The following B3GALT1 variants were observed in gnomAD, a reference collection of about 807,000 sequenced individuals.
B3GALT1 encodes the protein UDP-Gal:betaGlcNAc beta 1,3-galactosyltransferase, polypeptide 1.
A neutral mutation model predicts 23.2 loss-of-function variants in B3GALT1; 10 were observed. That is an observed-to-expected ratio of 0.43 (90% CI 0.27 to 0.73). B3GALT1 has a LOEUF of 0.73. Ranked by LOEUF, B3GALT1 falls within the 30% of genes least tolerant of loss-of-function variation. The probability of loss-of-function intolerance (pLI) is 0.21; values close to 1 mark genes in which losing one functional copy is unlikely to be tolerated. For missense variants in B3GALT1, 299 were observed against 405.4 expected (o/e 0.74, Z 2.25); for synonymous variants, 156 against 141.5 (o/e 1.10, Z -0.73).
chr2:167,627,595 C>A (rs74862651), intron 2 of B3GALT1, among the ~76,000 whole-genome samples: 1 of 151,426 alleles, frequency 6.6e-6, no homozygotes, highest in African/African-American at 2.4e-5. Flanking sequence ...TGAAATGTTG[C>A]GAGATTTTTG....
chr2:167,828,771 T>C (rs946922644), intron 4 of B3GALT1, among the ~76,000 whole-genome samples: 2 of 152,226 alleles, frequency 1.3e-5, no homozygotes, highest in Admixed American at 6.5e-5. Context: ...CTGTGTGGTT[T>C]GTTCTGTAGG....
chr2:167,555,812 G>A (rs1159495878), intron 2 of B3GALT1, among the ~76,000 whole-genome samples: 1 of 152,142 alleles, frequency 6.6e-6, no homozygotes. Context: ...CTTGGGGAAT[G>A]CACTAAGGAT....
chr2:167,461,305 T>G (rs983888517), intron 1 of B3GALT1, among the ~76,000 whole-genome samples: 1 of 152,188 alleles, frequency 6.6e-6, no homozygotes, highest in Non-Finnish European at 1.5e-5. Flanking sequence ...TGACCAAAAT[T>G]AACCACAATT....
chr2:167,820,381 T>A (rs1174464424), intron 4 of B3GALT1, among the ~76,000 whole-genome samples: 2 of 152,220 alleles, frequency 1.3e-5, no homozygotes, highest in East Asian at 1.9e-4. Context: ...TCTGGGCACA[T>A]GAAAGGACCA....
intron 3 of B3GALT1, among the ~76,000 whole-genome samples, chr2:167,793,848 T>C (rs1688491779): frequency 6.6e-6 from 1 of 152,210 alleles, no homozygotes; most frequent in Non-Finnish European, 1.5e-5. Context: ...ACTGTGTCTC[T>C]CTATAAATTC....
At chr2:167,541,942 T>C (rs529778551) in intron 2 of B3GALT1, among the ~76,000 whole-genome samples, 1 of 152,240 alleles carries the variant, frequency 6.6e-6, no homozygotes, top group South Asian at 2.1e-4. Flanking sequence ...GTGAGTTTCC[T>C]AAAAGGAGCT....
intron 3 of B3GALT1, among the ~76,000 whole-genome samples, chr2:167,768,535 A>G (rs1688015816): frequency 6.6e-6 from 1 of 152,234 alleles, no homozygotes; most frequent in Non-Finnish European, 1.5e-5. Context: ...CTATGGGATG[A>G]TGTAATTATA....
chr2:167,559,396 C>T (rs199948453), intron 2 of B3GALT1, among the ~76,000 whole-genome samples: 13 of 152,272 alleles, frequency 8.5e-5, no homozygotes, highest in East Asian at 5.8e-4. Flanking sequence ...AAAAGCAGAG[C>T]GCCTCTCCTC....
At chr2:167,390,275 A>G (rs1400450894) in intron 1 of B3GALT1, among the ~76,000 whole-genome samples, 1 of 152,190 alleles carries the variant, frequency 6.6e-6, no homozygotes, top group Non-Finnish European at 1.5e-5. Context: ...CCTGGTGTGG[A>G]TGATCGTGAT....
chr2:167,715,288 A>G, intron 3 of B3GALT1: 1 of 1,613,936 alleles, frequency 6.2e-7, no homozygotes. Context: ...GATTTTCTTT[A>G]TCATTCAGAA....
chr2:167,615,692 G>C (rs1169495966), intron 2 of B3GALT1, among the ~76,000 whole-genome samples: 1 of 151,896 alleles, frequency 6.6e-6, no homozygotes, highest in East Asian at 1.9e-4. Context: ...TTAAGATTTA[G>C]GACAGAATAC....
intron 2 of B3GALT1, among the ~76,000 whole-genome samples, chr2:167,512,929 G>C (rs936207892): frequency 2.0e-5 from 3 of 148,050 alleles, no homozygotes; most frequent in Non-Finnish European, 3.0e-5. Context: ...CAAGCATGAT[G>C]ATTCTACCCA....
At chr2:167,308,612 GT>G (rs200904895) in intron 1 of B3GALT1, among the ~76,000 whole-genome samples, 1 of 151,720 alleles carries the variant, frequency 6.6e-6, no homozygotes, top group Non-Finnish European at 1.5e-5. Context: ...ACTATCTAAT[GT>G]TTTTTTTGAA....
intron 2 of B3GALT1, among the ~76,000 whole-genome samples, chr2:167,547,825 C>G (rs1683668280): frequency 6.6e-6 from 1 of 152,098 alleles, no homozygotes; most frequent in East Asian, 1.9e-4. Flanking sequence ...TCCAGCAGAC[C>G]TTGCTATATG....
intron 4 of B3GALT1, among the ~76,000 whole-genome samples, chr2:167,845,745 C>T (rs574691552): frequency 5.7e-4 from 86 of 151,718 alleles, no homozygotes; most frequent in African/African-American, 1.9e-3. Context: ...TGTTCACCAG[C>T]AATGGATCCA....
At chr2:167,445,447 C>G (rs1317965531) in intron 1 of B3GALT1, among the ~76,000 whole-genome samples, 2 of 152,156 alleles carry the variant, frequency 1.3e-5, no homozygotes, top group Non-Finnish European at 2.9e-5. Flanking sequence ...ATTGATCTGT[C>G]TAATGTTGAC....
intron 3 of B3GALT1, among the ~76,000 whole-genome samples, chr2:167,681,448 C>T (rs1686529462): frequency 6.6e-6 from 1 of 152,150 alleles, no homozygotes; most frequent in Admixed American, 6.5e-5. Flanking sequence ...AAGCCATCTG[C>T]TAGAGTTCAT....
intron 3 of B3GALT1, among the ~76,000 whole-genome samples, chr2:167,716,324 G>C (rs1353091151): frequency 6.6e-6 from 1 of 151,616 alleles, no homozygotes; most frequent in Non-Finnish European, 1.5e-5. Flanking sequence ...AGCCCGACCC[G>C]CCTTAGTTCT....
intron 1 of B3GALT1, among the ~76,000 whole-genome samples, chr2:167,424,535 T>C (rs1698594428): frequency 6.6e-6 from 1 of 151,942 alleles, no homozygotes; most frequent in Non-Finnish European, 1.5e-5. Flanking sequence ...CTTTCAGAAG[T>C]GTTCTCTACA....
Sources: allele counts gnomAD v4.1 joint callset (sites outside exome capture counted in the v4.1 genomes callset), GRCh38; gene constraint gnomAD v4.1.1; transcripts MANE v1.5; gene names NCBI Gene and HGNC (gene_info 2026-07-23, HGNC 2026-07-21).